Variants in WDR35 observed in about 807,000 individuals in gnomAD.
WDR35 encodes the protein WD repeat domain 35.
Under a neutral mutation model 158.3 loss-of-function variants are expected in WDR35, and 118 were observed. That is an observed-to-expected ratio of 0.75 (90% CI 0.64 to 0.87). The LOEUF (loss-of-function observed/expected upper bound fraction) is 0.87. WDR35 is among the 40% of genes least tolerant of loss of function. The probability of loss-of-function intolerance (pLI) is 0.00; values close to 1 mark genes in which losing one functional copy is unlikely to be tolerated. For synonymous variants in WDR35, 448 were observed against 476.1 expected (o/e 0.94, Z 0.77); for missense variants, 1,263 against 1,405.8 (o/e 0.90, Z 1.62).
intron 25 of WDR35, among the ~76,000 whole-genome samples, chr2:19,919,007 C>T (rs1039949608): frequency 6.6e-6 from 1 of 152,162 alleles, no homozygotes; most frequent in Non-Finnish European, 1.5e-5. Context: ...GTAAAACACT[C>T]CTCAGCAAAT....
chr2:19,936,141 G>A, intron 20 of WDR35, 78 bp downstream of exon 20: 1 of 1,594,692 alleles, frequency 6.3e-7, no homozygotes, highest in South Asian at 1.1e-5. Flanking sequence ...ATTTCCCCAG[G>A]ATTACTTCCT....
intron 16 of WDR35, among the ~76,000 whole-genome samples, chr2:19,942,055 C>T (rs940742356): frequency 5.9e-5 from 9 of 152,220 alleles, no homozygotes; most frequent in South Asian, 4.1e-4. Context: ...CAGTAAATTA[C>T]GGACATCATG....
chr2:19,975,773 T>G, intron 5 of WDR35, 110 bp from the exon 6 acceptor site: 1 of 1,404,016 alleles, frequency 7.1e-7, no homozygotes, highest in Non-Finnish European at 9.9e-7. Flanking sequence ...CATTCATGCA[T>G]TCATTCAATT....
At chr2:19,928,451 G>C (rs75832354) in intron 25 of WDR35, among the ~76,000 whole-genome samples, 1 of 151,958 alleles carries the variant, frequency 6.6e-6, no homozygotes, top group Non-Finnish European at 1.5e-5. Context: ...TTCTGTGTGT[G>C]TGTCTTTAAT....
At chr2:19,924,039 G>A (rs1670272557) in intron 25 of WDR35, among the ~76,000 whole-genome samples, 2 of 152,262 alleles carry the variant, frequency 1.3e-5, no homozygotes, top group African/African-American at 2.4e-5. Context: ...CCCAGGCCCA[G>A]CCTCAAATTA....
At chr2:19,960,992 C>T (rs1484819486) in intron 10 of WDR35, among the ~76,000 whole-genome samples, 4 of 151,962 alleles carry the variant, frequency 2.6e-5, no homozygotes, top group Admixed American at 2.0e-4. Context: ...TCAAAATAAA[C>T]GTGCACTAAC....
rs561469424 is a variant in WDR35, at chr2:19,916,796, G to A, written c.3122-2519C>T. ...CCTGGGGAAAGGGGTGGTTATGGGC[G>A]CAGCTCCAACAGACTTAAACGTCCC... is the stretch of plus-strand genomic sequence containing the variant. On this transcript the variant is annotated intron_variant, in intron 25 of 26. Coordinates refer to ENST00000281405, the MANE Select transcript of WDR35 (RefSeq NM_020779.4). Among the ~76,000 whole-genome samples the A allele has an allele frequency of 3.9e-5, 6 of 152,328 alleles. No individual in the cohort carries two copies. In the Middle Eastern group the frequency reaches 0.01, roughly 259 times the overall value.
chr2:19,936,319 C>T lies in WDR35; in HGVS notation c.2314G>A (p.Val772Ile), dbSNP rs754291293. 3 of 1,614,004 alleles carry T rather than the reference C, an allele frequency of 1.9e-6. No homozygotes were observed. The South Asian group carries it at 3.3e-5, about 18-fold the overall frequency. Residue 772 changes from valine (V) to isoleucine (I), a missense_variant, in exon 20 of 27, where the codon GTA (valine) becomes ATA (isoleucine). Transcript: ENST00000281405. The stretch of plus-strand genomic sequence containing the variant: ...GATCCAGTTTTCAGGAGCTGGAGTA[C>T]TCTAAACCAATCCCCCAATTTCAGC... ...LRLKLGDWFR[V>I]LQLLKTGSGD... is the part of the protein sequence containing the mutation.
intron 11 of WDR35, 83 bp from the exon 12 acceptor site, chr2:19,954,061 A>G: frequency 6.6e-7 from 1 of 1,509,734 alleles, no homozygotes; most frequent in Non-Finnish European, 9.2e-7. Flanking sequence ...GTAATCACGG[A>G]GTTCAACCCC....
intron 25 of WDR35, among the ~76,000 whole-genome samples, chr2:19,920,208 G>C (rs138062847): frequency 0.014 from 2,106 of 152,248 alleles, 19 homozygotes; most frequent in Middle Eastern, 0.048. Flanking sequence ...GAAAAAGAGG[G>C]AATCCTCCCT....
intron 2 of WDR35, among the ~76,000 whole-genome samples, chr2:19,984,044 TATATAC>T (rs1379941853): frequency 0.059 from 965 of 16,268 alleles, 35 homozygotes; most frequent in African/African-American, 0.18. Flanking sequence ...TATATATACA[TATATAC>T]ACACACCCAC....
At chr2:19,973,007 G>C (rs1237336593) in intron 8 of WDR35, among the ~76,000 whole-genome samples, 5 of 151,834 alleles carry the variant, frequency 3.3e-5, no homozygotes, top group Non-Finnish European at 7.4e-5. Context: ...AAATACTATT[G>C]AGAAGGATAA....
chr2:19,970,307 A>G (rs939484855), intron 8 of WDR35, among the ~76,000 whole-genome samples: 1 of 152,200 alleles, frequency 6.6e-6, no homozygotes, highest in African/African-American at 2.4e-5. Context: ...AAATTCAATC[A>G]TAAAGTCTTG....
rs1669821183 is a variant in WDR35 at position 19,911,129 on chromosome 2, G to A, written c.*2429C>T. The A allele has an allele frequency of 6.6e-6, 1 of 152,168 alleles. No homozygotes were observed. The highest frequency in any genetic ancestry group is 2.4e-5 in the African/African-American group (1 of 41,446). 9.4% of individuals were successfully genotyped at this position (152,168 alleles called of 1,614,324 possible). A position where few individuals can be genotyped will look rare whatever the true frequency, so the allele number is the denominator to read the frequency against. On this transcript the variant is annotated 3_prime_UTR_variant, in exon 27 of 27. Coordinates refer to ENST00000281405, the MANE Select transcript of WDR35 (RefSeq NM_020779.4). ...AAAATTCTAGGGCTCAGGCAGCACA[G>A]AATTAGGGGGAAATGAGAAGCCTCC...
intron 8 of WDR35, among the ~76,000 whole-genome samples, chr2:19,971,235 G>C (rs1572358692): frequency 6.6e-6 from 1 of 151,936 alleles, no homozygotes; most frequent in Non-Finnish European, 1.5e-5. Flanking sequence ...TACCCTCTAG[G>C]GTCAAATTTA....
At chr2:19,957,080 A>G (rs996675593) in intron 11 of WDR35, among the ~76,000 whole-genome samples, 4 of 152,158 alleles carry the variant, frequency 2.6e-5, no homozygotes, top group East Asian at 1.9e-4. Context: ...TGCCCATATC[A>G]CACAGTTAGA....
Position 19,980,677 on chromosome 2 carries a change from C to T in WDR35, c.307+14G>A, listed in dbSNP as rs1321186067. On this transcript the variant is annotated intron_variant, in intron 4 of 26. Transcript: ENST00000281405. ...CTTGTGAAAAATTAAATAATCTCTCCTAGTAAAGTATACCTTTATATAACA... is the reference window on the plus strand; with the variant it reads ...CTTGTGAAAAATTAAATAATCTCTCTTAGTAAAGTATACCTTTATATAACA... 2 of 1,605,710 alleles carry T rather than the reference C, an allele frequency of 1.2e-6. No homozygotes were observed. Among genetic ancestry groups the T allele is most frequent in the African/African-American group, 1.3e-5 (1 of 74,722 alleles).
Position 19,930,488 on chromosome 2 carries a change from T to C in WDR35, c.3029A>G (p.Asp1010Gly), listed in dbSNP as rs745517675. The change falls in exon 25 of 27, where the codon GAT (aspartate) becomes GGT (glycine). Residue 1010 changes from aspartate to glycine, a missense_variant. By Grantham distance (94) the Asp-to-Gly change is moderately conservative. Transcript: ENST00000281405. Reference protein sequence around the residue: ...EVLSTTDRFTDNAWRGAEAYH... With the variant: ...EVLSTTDRFTGNAWRGAEAYH... ...AGCCTCTGCCCCTCTCCATGCATTA[T>C]CTGTGAAACGATCTGTTGTAGACAG... The C allele has an allele frequency of 1.2e-6, 2 of 1,614,188 alleles. No individual in the cohort carries two copies. The highest frequency in any genetic ancestry group is 2.2e-5 in the South Asian group (2 of 91,084).
Position 19,953,961 on chromosome 2 carries a change from T to C in WDR35, c.1273A>G (p.Met425Val), listed in dbSNP as rs756349521. ...GCTGCTATCACATGGGTTTTGGTCA[T>C]TGCAACAAACAATGGTACTGTTAAA... ...YIDIVPLFVA[M>V]TKTHVIAASK... is the part of the protein sequence containing the mutation. The change falls in exon 12 of 27, where the codon ATG becomes GTG. Residue 425 changes from methionine (M) to valine (V), a missense_variant. By Grantham distance (21) the Met-to-Val change is conservative. Transcript: ENST00000281405. The C allele has an allele frequency of 3.7e-6, 6 of 1,614,018 alleles. No individual in the cohort carries two copies. The highest frequency in any genetic ancestry group is 2.2e-5 in the East Asian group (1 of 44,886).
Sources: gnomAD v4.1 joint callset for allele counts (sites outside exome capture counted in the v4.1 genomes callset) on GRCh38, gnomAD v4.1.1 for gene constraint, MANE v1.5 for transcripts, NCBI Gene and HGNC (gene_info 2026-07-23, HGNC 2026-07-21) for gene names.